Variants in SLC9C2 observed in about 807,000 individuals in gnomAD.
The protein encoded by SLC9C2 is solute carrier family 9 member C2 (putative).
SLC9C2 carries 75 observed loss-of-function variants against 140.2 expected under a neutral mutation model. The observed-to-expected ratio is 0.53, with a 90% confidence interval of 0.44 to 0.65. The LOEUF is 0.65. Ranked by LOEUF, SLC9C2 falls within the 30% of genes least tolerant of loss-of-function variation. The probability of loss-of-function intolerance (pLI) is 0.00; values close to 1 mark genes in which losing one functional copy is unlikely to be tolerated. For synonymous variants in SLC9C2, 375 were observed against 420.9 expected, an observed-to-expected ratio of 0.89 and a Z score of 1.34; for missense variants, 1,074 against 1,331.8, an observed-to-expected ratio of 0.81 and a Z score of 3.01.
intron 9 of SLC9C2, among the ~76,000 whole-genome samples, chr1:173,572,112 T>G (rs1438441007): frequency 6.6e-6 from 1 of 152,220 alleles, no homozygotes; most frequent in Non-Finnish European, 1.5e-5. Flanking sequence ...AGTCACATAG[T>G]TACATAGTCA....
chr1:173,581,871 T>C lies in SLC9C2; in HGVS notation c.778A>G (p.Met260Val), dbSNP rs759010352. Residue 260 changes from methionine (M) to valine (V), a missense_variant, in exon 7 of 28, where the codon ATG becomes GTG. Transcript: ENST00000367714. Reference sequence around the variant, plus strand: ...CCAATATAGAAAGTCATGTACACCATTGAAAAGCAGAGAATGATATTAGTC... The same window carrying C: ...CCAATATAGAAAGTCATGTACACCACTGAAAAGCAGAGAATGATATTAGTC... ...MLTNIILCFS[M>V]VYMTFYIVEF... 1.2e-5 allele frequency: 19 copies of C among 1,591,188 alleles called. No individual in the cohort carries two copies. The East Asian group carries it at 1.6e-4, about 13-fold the overall frequency.
chr1:173,597,219 T>G (rs1386767468), intron 4 of SLC9C2, among the ~76,000 whole-genome samples: 1 of 151,678 alleles, frequency 6.6e-6, no homozygotes, highest in African/African-American at 2.4e-5. Context: ...ATAAGAGAAA[T>G]AATAATAAAA....
intron 26 of SLC9C2, among the ~76,000 whole-genome samples, chr1:173,504,287 T>G (rs1335927798): frequency 2.0e-5 from 3 of 152,136 alleles, no homozygotes; most frequent in Non-Finnish European, 4.4e-5. Context: ...CTTAATTACT[T>G]ATTGAATATC....
chr1:173,554,315 A>T (rs1450902493), intron 11 of SLC9C2, among the ~76,000 whole-genome samples: 3 of 151,570 alleles, frequency 2.0e-5, no homozygotes, highest in Non-Finnish European at 4.4e-5. Flanking sequence ...ATTGCCACAC[A>T]CCCCTCCCCC....
chr1:173,511,654 A>G (rs1255081508), intron 23 of SLC9C2, among the ~76,000 whole-genome samples: 1 of 152,076 alleles, frequency 6.6e-6, no homozygotes, highest in Non-Finnish European at 1.5e-5. Context: ...GAAGCTCTTT[A>G]ATTAGATCTC....
intron 4 of SLC9C2, among the ~76,000 whole-genome samples, chr1:173,595,215 T>C (rs1207962705): frequency 6.6e-6 from 1 of 152,198 alleles, no homozygotes; most frequent in Non-Finnish European, 1.5e-5. Context: ...TATGTTAGTA[T>C]GTCGGCTCTC....
intron 15 of SLC9C2, among the ~76,000 whole-genome samples, chr1:173,535,263 T>C (rs1661860792): frequency 6.6e-6 from 1 of 152,204 alleles, no homozygotes; most frequent in Non-Finnish European, 1.5e-5. Flanking sequence ...TGGTATGTTC[T>C]TGTTTTGGCA....
chr1:173,533,558 G>A (rs751841978), intron 17 of SLC9C2, 51 bp downstream of exon 17: 2 of 1,403,256 alleles, frequency 1.4e-6, no homozygotes, highest in South Asian at 2.6e-5. Context: ...GATTATAGGT[G>A]TGAGCTACCA....
chr1:173,540,406 C>T (rs536735014), intron 13 of SLC9C2, among the ~76,000 whole-genome samples: 14 of 152,284 alleles, frequency 9.2e-5, no homozygotes, highest in Non-Finnish European at 1.5e-4. Context: ...AAACAGCAGA[C>T]GCTGACTAAA....
At chr1:173,554,689 T>C (rs756656674) in intron 11 of SLC9C2, 44 bp downstream of exon 11, 1 of 1,235,782 alleles carries the variant, frequency 8.1e-7, no homozygotes, top group Admixed American at 1.7e-5. Context: ...AACCTGTTTG[T>C]ATTATTCTCC....
chr1:173,546,390 G>T (rs1041384818), intron 13 of SLC9C2, among the ~76,000 whole-genome samples: 12 of 152,022 alleles, frequency 7.9e-5, no homozygotes, highest in Admixed American at 1.3e-4. Context: ...AAAATTAGCT[G>T]GGCATGGTGC....
intron 5 of SLC9C2, among the ~76,000 whole-genome samples, chr1:173,585,562 G>A (rs550620590): frequency 9.5e-4 from 144 of 152,242 alleles, no homozygotes; most frequent in Admixed American, 1.5e-3. Flanking sequence ...CTTATCAGGA[G>A]ACAATGCTAC....
chr1:173,581,164 C>T (rs1415706881), intron 7 of SLC9C2, among the ~76,000 whole-genome samples: 2 of 152,084 alleles, frequency 1.3e-5, no homozygotes, highest in African/African-American at 2.4e-5. Context: ...TTTGAAGAAC[C>T]GAAGTTGCTT....
intron 8 of SLC9C2, among the ~76,000 whole-genome samples, chr1:173,574,378 T>C (rs1160098753): frequency 6.6e-6 from 1 of 152,166 alleles, no homozygotes; most frequent in Non-Finnish European, 1.5e-5. Flanking sequence ...CTCCAAGTGA[T>C]TTCTATCTCT....
chr1:173,513,620 T>C (rs1368740729), intron 23 of SLC9C2, among the ~76,000 whole-genome samples: 1 of 152,172 alleles, frequency 6.6e-6, no homozygotes, highest in Non-Finnish European at 1.5e-5. Flanking sequence ...GATTCATTCA[T>C]TTTTTGAAGG....
intron 9 of SLC9C2, among the ~76,000 whole-genome samples, chr1:173,564,611 C>T (rs1021946789): frequency 6.6e-6 from 1 of 151,260 alleles, no homozygotes; most frequent in African/African-American, 2.4e-5. Flanking sequence ...AAACTCTCAC[C>T]AGATGGGTAG....
chr1:173,562,522 G>A lies in SLC9C2; in HGVS notation c.1047-5014C>T, dbSNP rs556245209. ...TCAAGGGTAAGTGATTTTATAAAAG[G>A]AAAGTACAAGATTTTCTTGTCCATA... is the stretch of plus-strand genomic sequence containing the variant. On this transcript the variant is annotated intron_variant, in intron 9 of 27. Transcript: ENST00000367714. 1.1e-3 allele frequency among the ~76,000 whole-genome samples: 169 copies of A among 152,122 alleles called. 1 individual carries two copies. Among genetic ancestry groups the A allele is most frequent in the Admixed American group, 2.8e-3 (43 of 15,282 alleles).
At chr1:173,559,669 C>T (rs1036679893) in intron 9 of SLC9C2, among the ~76,000 whole-genome samples, 1 of 152,194 alleles carries the variant, frequency 6.6e-6, no homozygotes, top group Admixed American at 6.5e-5. Context: ...GAATTCACCA[C>T]AGAGGAGGAA....
chr1:173,518,159 A>T (rs891787582), intron 22 of SLC9C2, among the ~76,000 whole-genome samples: 1 of 152,078 alleles, frequency 6.6e-6, no homozygotes, highest in East Asian at 1.9e-4. Flanking sequence ...GCTACTCAGG[A>T]GACTGAGGCA....
Sources: gnomAD v4.1 joint callset for allele counts (sites outside exome capture counted in the v4.1 genomes callset) on GRCh38, gnomAD v4.1.1 for gene constraint, MANE v1.5 for transcripts, NCBI Gene and HGNC (gene_info 2026-07-23, HGNC 2026-07-21) for gene names.